The following IL23R variants were observed in gnomAD, a reference collection of about 807,000 sequenced individuals.
IL23R encodes the protein interleukin 23 receptor.
A neutral mutation model predicts 56.9 loss-of-function variants in IL23R; 34 were observed. The ratio of observed to expected loss-of-function variants is 0.60; its 90% CI spans 0.45 to 0.80. IL23R has a LOEUF of 0.80. Among genes scored for constraint, IL23R ranks in the 30% least tolerant of loss-of-function variants. The pLI is 0.00. For synonymous variants in IL23R, 230 were observed against 249.2 expected (o/e 0.92, Z 0.73); for missense variants, 635 against 730.0 (o/e 0.87, Z 1.50).
At chr1:67,186,088 G>T (rs950787950) in intron 4 of IL23R, among the ~76,000 whole-genome samples, 5 of 152,142 alleles carry the variant, frequency 3.3e-5, no homozygotes, top group Admixed American at 2.6e-4. Flanking sequence ...TTGCCTATAG[G>T]GTAAAGTAGA....
chr1:67,238,890 A>C lies in IL23R; in HGVS notation c.1046-1289A>C, dbSNP rs574294771. 2.0e-5 allele frequency among the ~76,000 whole-genome samples: 3 copies of C among 152,020 alleles called. No homozygotes were observed. The East Asian group carries it at 5.8e-4, about 29-fold the overall frequency. On this transcript the variant is annotated intron_variant, in intron 8 of 10. Coordinates refer to ENST00000347310, the MANE Select transcript of IL23R (RefSeq NM_144701.3). Reference sequence around the variant, plus strand: ...TTTGCAGTGAGCTAGAGTTACTCAGACTCCTGCCTGCTGATTGGCTTTAGA... The same window carrying C: ...TTTGCAGTGAGCTAGAGTTACTCAGCCTCCTGCCTGCTGATTGGCTTTAGA...
intron 9 of IL23R, among the ~76,000 whole-genome samples, chr1:67,244,209 T>C (rs981889397): frequency 6.6e-6 from 1 of 152,226 alleles, no homozygotes; most frequent in East Asian, 1.9e-4. Context: ...TTCTGGATAT[T>C]AGCCCTTTGT....
chr1:67,160,435 G>A (rs6684024), intron 1 of IL23R, among the ~76,000 whole-genome samples: 134,537 of 152,278 alleles, frequency 0.88, 59,485 homozygotes, highest in East Asian at 1. Flanking sequence ...ATGCAGATGG[G>A]TCCTCACTCT....
chr1:67,227,982 CTTTCTTTCTTTCTTTCTT>C (rs1558253945), intron 7 of IL23R, among the ~76,000 whole-genome samples: 2 of 89,548 alleles, frequency 2.2e-5, no homozygotes, highest in Non-Finnish European at 2.4e-5. Flanking sequence ...TTCTTTCTTT[CTTTCTTTCTTTCTTTCTT>C]TCTTTCTTTC....
chr1:67,233,929 CTGTGTGTGTGTGTGTGTG>C (rs57455484), intron 7 of IL23R, among the ~76,000 whole-genome samples: 4 of 138,766 alleles, frequency 2.9e-5, no homozygotes, highest in South Asian at 5.2e-4. Context: ...GTCATAAAGG[CTGTGTGTGTGTGTGTGTG>C]TGTGTGTGTG....
chr1:67,150,576 C>T (rs898446438), intron 1 of IL23R, among the ~76,000 whole-genome samples: 4 of 149,618 alleles, frequency 2.7e-5, no homozygotes, highest in Admixed American at 6.8e-5. Flanking sequence ...CCAGCTCCAT[C>T]CATGTCCCTG....
intron 3 of IL23R, among the ~76,000 whole-genome samples, chr1:67,176,254 TG>T (rs1331319749): frequency 6.6e-6 from 1 of 152,016 alleles, no homozygotes; most frequent in Non-Finnish European, 1.5e-5. Context: ...CAGGAGTAGC[TG>T]GGGGAGACTG....
chr1:67,255,963 A>G (rs1327124272), intron 10 of IL23R, 36 bp downstream of exon 10: 2 of 1,175,136 alleles, frequency 1.7e-6, no homozygotes, highest in African/African-American at 1.5e-5. Context: ...CTGAGTGGCA[A>G]TTGAGACCAA....
intron 8 of IL23R, among the ~76,000 whole-genome samples, chr1:67,238,595 GT>G (rs1461824391): frequency 6.6e-6 from 1 of 152,112 alleles, no homozygotes; most frequent in Admixed American, 6.5e-5. Context: ...GACTCAGCAA[GT>G]TCATAATTAT....
chr1:67,176,204 T>C (rs1647005961), intron 3 of IL23R, among the ~76,000 whole-genome samples: 1 of 152,110 alleles, frequency 6.6e-6, no homozygotes, highest in Non-Finnish European at 1.5e-5. Flanking sequence ...AATAATAGGC[T>C]CTTTAAAAGT....
rs146237250 is a variant in IL23R at position 67,202,943 on chromosome 1, T to A, written c.652+2046T>A. Among the ~76,000 whole-genome samples the A allele has an allele frequency of 2.3e-3, 356 of 152,314 alleles. 1 individual carries two copies. Among genetic ancestry groups the A allele is most frequent in the African/African-American group, 7.8e-3 (324 of 41,566 alleles). On this transcript the variant is annotated intron_variant, in intron 5 of 10. Coordinates refer to ENST00000347310, the MANE Select transcript of IL23R (RefSeq NM_144701.3). ...GACAATTATTCCATTTTATTGTATA[T>A]CCTTGGAGTTACAGTTCTCTTGACT...
chr1:67,200,396 T>C (rs1255055503), intron 4 of IL23R, among the ~76,000 whole-genome samples: 5 of 151,444 alleles, frequency 3.3e-5, no homozygotes, highest in Admixed American at 2.6e-4. Context: ...AAACTTTTTT[T>C]CTTTTTTTTT....
At chr1:67,235,371 C>T (rs1191587625) in intron 7 of IL23R, among the ~76,000 whole-genome samples, 21 of 148,736 alleles carry the variant, frequency 1.4e-4, no homozygotes, top group Non-Finnish European at 1.3e-4. Context: ...TATGCCTGCA[C>T]CCAGAGCAGC....
At chr1:67,174,621 G>C (rs1646985501) in intron 3 of IL23R, among the ~76,000 whole-genome samples, 1 of 151,894 alleles carries the variant, frequency 6.6e-6, no homozygotes, top group Non-Finnish European at 1.5e-5. Flanking sequence ...TGAACTAAGA[G>C]AGCCACACCT....
chr1:67,263,312 C>T (rs1228933490), downstream of IL23R, among the ~76,000 whole-genome samples: 1 of 151,916 alleles, frequency 6.6e-6, no homozygotes, highest in African/African-American at 2.4e-5. Flanking sequence ...ACTCAAACTC[C>T]TGGGCTCAAG....
Position 67,218,360 on chromosome 1 carries a change from A to G in IL23R, c.799-1214A>G, listed in dbSNP as rs529204183. Among the ~76,000 whole-genome samples the G allele has an allele frequency of 9.4e-3, 1,387 of 148,320 alleles. 8 individuals carry two copies. The highest frequency in any genetic ancestry group is 0.015 in the Non-Finnish European group (984 of 67,112). ...TGTGTGTGTGTGTGTGTGTGTGTGT[A>G]TATATATATATATGTATGTATTATT... On this transcript the variant is annotated intron_variant, in intron 6 of 10. Transcript: ENST00000347310.
intron 1 of IL23R, among the ~76,000 whole-genome samples, chr1:67,158,444 C>T (rs573196745): frequency 6.6e-6 from 1 of 151,940 alleles, no homozygotes; most frequent in Non-Finnish European, 1.5e-5. Context: ...GGCAATGTGC[C>T]CAGAGGTAGT....
intron 3 of IL23R, among the ~76,000 whole-genome samples, chr1:67,176,891 G>A (rs989223591): frequency 6.6e-6 from 1 of 151,616 alleles, no homozygotes; most frequent in African/African-American, 2.4e-5. Context: ...TGGTGTGATA[G>A]TTTGCTGAGA....
chr1:67,158,739 T>C (rs1278783622), intron 1 of IL23R, among the ~76,000 whole-genome samples: 1 of 151,954 alleles, frequency 6.6e-6, no homozygotes, highest in Non-Finnish European at 1.5e-5. Flanking sequence ...AGTAGATAAG[T>C]ATTGATAAGG....
Sources: allele counts gnomAD v4.1 joint callset (sites outside exome capture counted in the v4.1 genomes callset), GRCh38; gene constraint gnomAD v4.1.1; transcripts MANE v1.5; gene names NCBI Gene and HGNC (gene_info 2026-07-23, HGNC 2026-07-21).